FAM110B: variants seen among roughly 807,000 people sequenced by gnomAD.
FAM110B encodes the protein family with sequence similarity 110 member B, also known as protein FAM110B.
FAM110B carries 6 observed loss-of-function variants against 20.4 expected under a neutral mutation model. The observed-to-expected ratio is 0.29, with a 90% CI of 0.16 to 0.58. The LOEUF (loss-of-function observed/expected upper bound fraction) is 0.58. Among genes scored for constraint, FAM110B ranks in the 20% least tolerant of loss-of-function variants. The pLI is 0.90. For synonymous variants in FAM110B, 226 were observed against 214.1 expected (o/e 1.06, Z -0.49); for missense variants, 434 against 498.2 (o/e 0.87, Z 1.23).
chr8:58,138,601 C>T (rs981416444), intron 3 of FAM110B, among the ~76,000 whole-genome samples: 7 of 152,118 alleles, frequency 4.6e-5, no homozygotes, highest in East Asian at 1.9e-4. Context: ...AACTGAGCAC[C>T]GAGTGAAGGG....
chr8:58,093,102 GT>G (rs1329721582), intron 3 of FAM110B, among the ~76,000 whole-genome samples: 5 of 151,684 alleles, frequency 3.3e-5, no homozygotes, highest in South Asian at 4.2e-4. Context: ...TCGTTTGTGG[GT>G]TTTTTTTGTA....
Position 58,131,372 on chromosome 8 carries a change from C to T in FAM110B, c.-324-14535C>T, listed in dbSNP as rs142415406. 1.5e-3 allele frequency among the ~76,000 whole-genome samples: 234 copies of T among 152,248 alleles called. 1 individual carries two copies. The highest frequency in any genetic ancestry group is 2.9e-3 in the Non-Finnish European group (199 of 68,016). ...CTCAAGCATTCCTCTTGCCTCACCT[C>T]CCCCGCAACCCCATTAGCTGGGATT... On this transcript the variant is annotated intron_variant, in intron 3 of 3. Coordinates refer to ENST00000519262, the MANE Select transcript of FAM110B (RefSeq NM_001377989.1).
intron 3 of FAM110B, chr8:58,091,354 C>T (rs1806472762): frequency 6.6e-6 from 1 of 152,220 alleles, no homozygotes; most frequent in South Asian, 2.1e-4. Context: ...TAGCCTCTCC[C>T]TTACCCAAGC....
intron 1 of FAM110B, among the ~76,000 whole-genome samples, chr8:58,021,649 T>G (rs1415366354): frequency 1.3e-5 from 2 of 152,192 alleles, no homozygotes; most frequent in Admixed American, 6.5e-5. Context: ...TTTTAACCAC[T>G]GTGCTATAAA....
chr8:58,139,881 G>T (rs1242475910), intron 3 of FAM110B, among the ~76,000 whole-genome samples: 1 of 152,148 alleles, frequency 6.6e-6, no homozygotes, highest in Non-Finnish European at 1.5e-5. Context: ...AATGAACCAG[G>T]ATTGTGCCAC....
At chr8:58,025,086 C>G (rs979563466) in intron 1 of FAM110B, among the ~76,000 whole-genome samples, 28 of 152,274 alleles carry the variant, frequency 1.8e-4, no homozygotes, top group African/African-American at 6.0e-4. Context: ...TATGAAGTGT[C>G]ACATCCTGGG....
At chr8:58,084,916 C>G (rs938261961) in intron 3 of FAM110B, among the ~76,000 whole-genome samples, 2 of 152,030 alleles carry the variant, frequency 1.3e-5, no homozygotes, top group Non-Finnish European at 2.9e-5. Context: ...AAGCATAGTA[C>G]AAGGAGTAGG....
rs759571587 is a variant in FAM110B at position 58,146,902 on chromosome 8, G to C, written c.672G>C (p.Leu224=). The change falls in exon 4 of 4, where the codon CTG becomes CTC. Residue 224 remains leucine (L), a synonymous_variant. Coordinates refer to ENST00000519262, the MANE Select transcript of FAM110B (RefSeq NM_001377989.1). ...CCTGCAGTAGCTCTGCCCCTCCCCT[G>C]CCTCCCAAGCCCAAAATCGCAGCCA... ...AIPCSSSAPP[L]PPKPKIAAIA... The C allele has an allele frequency of 6.8e-6, 11 of 1,614,152 alleles. 1 individual carries two copies. The Admixed American group carries it at 1.8e-4, about 27-fold the overall frequency.
intron 3 of FAM110B, among the ~76,000 whole-genome samples, chr8:58,110,217 T>C (rs948576308): frequency 5.3e-5 from 8 of 152,224 alleles, no homozygotes; most frequent in African/African-American, 1.9e-4. Flanking sequence ...TATATTATCA[T>C]ACTCATTTGT....
At chr8:58,032,667 A>G (rs567054857) in intron 2 of FAM110B, 9 of 152,286 alleles carry the variant, frequency 5.9e-5, no homozygotes, top group African/African-American at 1.9e-4. Context: ...TGGCACACCT[A>G]TGCACTTGGT....
chr8:58,024,765 C>T (rs1203224183), intron 1 of FAM110B, among the ~76,000 whole-genome samples: 1 of 152,172 alleles, frequency 6.6e-6, no homozygotes, highest in Non-Finnish European at 1.5e-5. Flanking sequence ...TACCTTTTTA[C>T]AGACCAGGAG....
intron 1 of FAM110B, among the ~76,000 whole-genome samples, chr8:58,013,226 T>A (rs1376622484): frequency 1.3e-5 from 2 of 152,232 alleles, no homozygotes; most frequent in African/African-American, 4.8e-5. Context: ...TGTTACAGAA[T>A]CTTTCCCCAA....
intron 3 of FAM110B, among the ~76,000 whole-genome samples, chr8:58,124,429 A>C (rs916322546): frequency 6.6e-6 from 1 of 152,262 alleles, no homozygotes; most frequent in Non-Finnish European, 1.5e-5. Flanking sequence ...CAGATGGAAC[A>C]GCCTAGTTAC....
At chr8:58,074,298 T>A (rs898907909) in intron 2 of FAM110B, among the ~76,000 whole-genome samples, 3 of 152,222 alleles carry the variant, frequency 2.0e-5, no homozygotes, top group African/African-American at 7.2e-5. Flanking sequence ...AGCTTGCCTG[T>A]CCATGCCACC....
chr8:58,072,420 G>A (rs1316631685), intron 2 of FAM110B, among the ~76,000 whole-genome samples: 29 of 152,180 alleles, frequency 1.9e-4, no homozygotes, highest in Non-Finnish European at 1.5e-5. Context: ...ACGGTATTAT[G>A]ATATCCCAAA....
At chr8:58,004,340 A>G (rs1804359344) in intron 1 of FAM110B, among the ~76,000 whole-genome samples, 1 of 152,226 alleles carries the variant, frequency 6.6e-6, no homozygotes, top group East Asian at 1.9e-4. Flanking sequence ...AGTTGTAGCC[A>G]TCTTCATCAA....
At chr8:58,076,486 A>G (rs542060314) in intron 3 of FAM110B, among the ~76,000 whole-genome samples, 2 of 152,264 alleles carry the variant, frequency 1.3e-5, no homozygotes, top group Admixed American at 1.3e-4. Context: ...GCTTTTCCCC[A>G]CGTCCCCACC....
At chr8:58,000,751 T>A (rs759748321) in intron 1 of FAM110B, among the ~76,000 whole-genome samples, 1 of 152,242 alleles carries the variant, frequency 6.6e-6, no homozygotes, top group Non-Finnish European at 1.5e-5. Context: ...ATTACGCTTG[T>A]GTGTTTTTAC....
chr8:58,004,048 G>T (rs1804353782), intron 1 of FAM110B, among the ~76,000 whole-genome samples: 1 of 152,048 alleles, frequency 6.6e-6, no homozygotes, highest in African/African-American at 2.4e-5. Context: ...TGGGGTGGGG[G>T]AGGGGGATGG....
Sources: gnomAD v4.1 joint callset for allele counts (sites outside exome capture counted in the v4.1 genomes callset) on GRCh38, gnomAD v4.1.1 for gene constraint, MANE v1.5 for transcripts, NCBI Gene and HGNC (gene_info 2026-07-23, HGNC 2026-07-21) for gene names.